Variants in GALNT13 observed in about 807,000 individuals in gnomAD.
GALNT13 encodes polypeptide N-acetylgalactosaminyltransferase 13, also known as UDP-GalNAc:polypeptide N-acetylgalactosaminyltransferase 13.
In GALNT13, 28 loss-of-function variants were observed where a neutral mutation model predicts 64.2. The observed-to-expected ratio is 0.44, with a 90% CI of 0.32 to 0.60. GALNT13 has a LOEUF of 0.60. Among genes scored for constraint, GALNT13 ranks in the 20% least tolerant of loss-of-function variants. GALNT13 has a pLI of 0.05. For synonymous variants in GALNT13, 214 were observed against 224.6 expected, an observed-to-expected ratio of 0.95 and a Z score of 0.42; for missense variants, 577 against 669.8, an observed-to-expected ratio of 0.86 and a Z score of 1.53.
intron 2 of GALNT13, among the ~76,000 whole-genome samples, chr2:153,934,561 C>T (rs977164952): frequency 5.3e-5 from 8 of 152,154 alleles, no homozygotes; most frequent in African/African-American, 1.9e-4. Context: ...TGTCACGTGT[C>T]AATGCAGTTT....
chr2:153,339,460 A>G, the GALNT13 span, among the ~76,000 whole-genome samples: 1 of 151,982 alleles, frequency 6.6e-6, no homozygotes, highest in East Asian at 1.9e-4. Context: ...AAATTGAGTT[A>G]TTTGTTTTCT....
chr2:153,331,811 A>G, the GALNT13 span, among the ~76,000 whole-genome samples: 1 of 152,142 alleles, frequency 6.6e-6, no homozygotes, highest in Non-Finnish European at 1.5e-5. Context: ...ACTCAGTATT[A>G]AACATCACAG....
At chr2:153,124,504 G>T in the GALNT13 span, among the ~76,000 whole-genome samples, 3 of 151,932 alleles carry the variant, frequency 2.0e-5, no homozygotes, top group Non-Finnish European at 4.4e-5. Flanking sequence ...GCTTTGTTTT[G>T]TTTGTTTGTT....
intron 3 of GALNT13, among the ~76,000 whole-genome samples, chr2:154,106,525 C>A (rs537083148): frequency 1.6e-4 from 25 of 151,920 alleles, no homozygotes; most frequent in African/African-American, 5.8e-4. Context: ...ATATTTCTTT[C>A]TTTTACCTAT....
At chr2:154,157,072 G>A (rs996093337) in intron 4 of GALNT13, among the ~76,000 whole-genome samples, 4 of 151,824 alleles carry the variant, frequency 2.6e-5, no homozygotes, top group South Asian at 2.1e-4. Flanking sequence ...TTTCCACTTC[G>A]TAAATTATTA....
At chr2:153,338,113 A>C in the GALNT13 span, among the ~76,000 whole-genome samples, 3 of 151,362 alleles carry the variant, frequency 2.0e-5, no homozygotes, top group Non-Finnish European at 4.4e-5. Flanking sequence ...CAATTTATTG[A>C]GGCCCCCATC....
At chr2:153,171,691 C>T in the GALNT13 span, among the ~76,000 whole-genome samples, 1 of 152,100 alleles carries the variant, frequency 6.6e-6, no homozygotes, top group Non-Finnish European at 1.5e-5. Context: ...CTAAGGATGG[C>T]AAGGCAGAAA....
At chr2:153,586,302 A>C in the GALNT13 span, among the ~76,000 whole-genome samples, 1 of 152,220 alleles carries the variant, frequency 6.6e-6, no homozygotes, top group South Asian at 2.1e-4. Context: ...GCTTACAAGA[A>C]ACTGATCTTG....
chr2:153,955,182 T>G (rs747487804), intron 3 of GALNT13, among the ~76,000 whole-genome samples: 1 of 152,138 alleles, frequency 6.6e-6, no homozygotes, highest in South Asian at 2.1e-4. Flanking sequence ...AGTTAAAAAT[T>G]GAAAGCAATA....
chr2:154,218,780 T>G (rs1688177634), intron 4 of GALNT13, among the ~76,000 whole-genome samples: 2 of 152,162 alleles, frequency 1.3e-5, no homozygotes, highest in Non-Finnish European at 2.9e-5. Flanking sequence ...GTATTCATTT[T>G]AGATACACAT....
chr2:153,222,807 T>C, the GALNT13 span, among the ~76,000 whole-genome samples: 2 of 152,238 alleles, frequency 1.3e-5, no homozygotes, highest in South Asian at 4.1e-4. Context: ...AAGTGGGTGC[T>C]GGGAGTGGAG....
intron 3 of GALNT13, among the ~76,000 whole-genome samples, chr2:154,084,931 T>A (rs375709811): frequency 6.6e-6 from 1 of 151,954 alleles, no homozygotes; most frequent in East Asian, 1.9e-4. Context: ...TTTTTCTTCC[T>A]CAGTAAGGCA....
intron 4 of GALNT13, among the ~76,000 whole-genome samples, chr2:154,171,541 T>A (rs1685348995): frequency 6.6e-6 from 1 of 152,094 alleles, no homozygotes; most frequent in East Asian, 1.9e-4. Flanking sequence ...TTGACTTGCC[T>A]GGATAATACA....
At chr2:153,361,664 G>T in the GALNT13 span, among the ~76,000 whole-genome samples, 16 of 151,912 alleles carry the variant, frequency 1.1e-4, no homozygotes, top group South Asian at 2.9e-3. Context: ...AGGCAGACAA[G>T]ATTTTAGAAA....
chr2:153,698,787 C>T, the GALNT13 span, among the ~76,000 whole-genome samples: 1 of 152,200 alleles, frequency 6.6e-6, no homozygotes, highest in Non-Finnish European at 1.5e-5. Flanking sequence ...AATATACATT[C>T]TTCTCAGTGT....
intron 12 of GALNT13, among the ~76,000 whole-genome samples, chr2:154,443,455 G>A (rs1367796964): frequency 6.6e-6 from 1 of 151,908 alleles, no homozygotes; most frequent in Non-Finnish European, 1.5e-5. Context: ...ATTAAATATA[G>A]TACAAATTTA....
chr2:153,927,990 G>C (rs2105350478), intron 2 of GALNT13, among the ~76,000 whole-genome samples: 1 of 152,140 alleles, frequency 6.6e-6, no homozygotes, highest in Non-Finnish European at 1.5e-5. Flanking sequence ...ATTTGTGCAA[G>C]TTTAGTATAC....
At chr2:153,673,278 T>A in the GALNT13 span, among the ~76,000 whole-genome samples, 3 of 152,058 alleles carry the variant, frequency 2.0e-5, no homozygotes, top group South Asian at 6.2e-4. Context: ...TAGAACAATA[T>A]CCCTGATGAA....
At chr2:153,612,386 C>A in the GALNT13 span, among the ~76,000 whole-genome samples, 2 of 152,040 alleles carry the variant, frequency 1.3e-5, no homozygotes, top group Non-Finnish European at 2.9e-5. Context: ...TAGACACATG[C>A]ACACGTAGTA....
Sources: gnomAD v4.1 joint callset for allele counts (sites outside exome capture counted in the v4.1 genomes callset) on GRCh38, gnomAD v4.1.1 for gene constraint, MANE v1.5 for transcripts, NCBI Gene and HGNC (gene_info 2026-07-23, HGNC 2026-07-21) for gene names.